TANC2: variants seen among roughly 807,000 people sequenced by gnomAD.
TANC2 encodes protein TANC2.
In TANC2, 26 loss-of-function variants were observed where a neutral mutation model predicts 210.5. The ratio of observed to expected loss-of-function variants is 0.12; its 90% CI spans 0.09 to 0.17. The LOEUF (loss-of-function observed/expected upper bound fraction) is 0.17, where lower values mean the gene tolerates loss of function less well. Ranked by LOEUF, TANC2 falls within the 10% of genes least tolerant of loss-of-function variation. The pLI is 1.00. For synonymous variants in TANC2, 931 were observed against 967.1 expected (o/e 0.96, Z 0.69); for missense variants, 2,129 against 2,608.9 (o/e 0.82, Z 4.01).
intron 12 of TANC2, among the ~76,000 whole-genome samples, chr17:63,344,085 G>A (rs1271341050): frequency 6.6e-6 from 1 of 152,210 alleles, no homozygotes; most frequent in African/African-American, 2.4e-5. Flanking sequence ...AGCAGGAGGT[G>A]AGCGACGGCT....
At chr17:63,031,392 A>C (rs2144134529) in intron 2 of TANC2, among the ~76,000 whole-genome samples, 1 of 152,300 alleles carries the variant, frequency 6.6e-6, no homozygotes, top group Non-Finnish European at 1.5e-5. Flanking sequence ...TATTGAAGAA[A>C]AAATGATTTT....
intron 2 of TANC2, among the ~76,000 whole-genome samples, chr17:63,064,832 A>C (rs1295853870): frequency 6.6e-6 from 1 of 152,148 alleles, no homozygotes; most frequent in Non-Finnish European, 1.5e-5. Context: ...GAAAGGATTA[A>C]ATCAAGCTAG....
rs536336187 is a variant in TANC2 at position 63,292,303 on chromosome 17, T to C, written c.1160-22085T>C. Among the ~76,000 whole-genome samples, 25 of 152,214 alleles carry C rather than the reference T, an allele frequency of 1.6e-4. No individual in the cohort carries two copies. The South Asian group carries it at 4.2e-3, about 25-fold the overall frequency. On this transcript the variant is annotated intron_variant, in intron 9 of 27. Transcript: ENST00000689528. ...CAGAAAGCAGGAGTCATTAAAGATA[T>C]ATCAGGAGGAGAAGACAAGAAAAGA...
intron 9 of TANC2, among the ~76,000 whole-genome samples, chr17:63,273,185 C>G (rs1285274352): frequency 6.6e-6 from 1 of 152,006 alleles, no homozygotes; most frequent in Non-Finnish European, 1.5e-5. Context: ...ACTCAGGAGG[C>G]AGAGGTGGGA....
At chr17:63,294,188 A>G (rs1289388086) in intron 9 of TANC2, among the ~76,000 whole-genome samples, 5 of 152,204 alleles carry the variant, frequency 3.3e-5, no homozygotes, top group Admixed American at 2.6e-4. Flanking sequence ...TCCTTAAAGA[A>G]ACTACTAGGC....
Position 63,395,701 on chromosome 17 carries a change from A to G in TANC2, c.3052-42A>G, listed in dbSNP as rs768241971. Reference sequence around the variant, plus strand: ...ATGTGACTAGATTGCGAGCTCAGCCACAAGTCTGTGTTCACACATATCTCC... The same window carrying G: ...ATGTGACTAGATTGCGAGCTCAGCCGCAAGTCTGTGTTCACACATATCTCC... On this transcript the variant is annotated intron_variant, in intron 17 of 27. Coordinates refer to ENST00000689528, the Ensembl canonical transcript of TANC2. 3.8e-6 allele frequency: 6 copies of G among 1,588,524 alleles called. No individual in the cohort carries two copies. In the African/African-American group the frequency reaches 5.4e-5, roughly 14 times the overall value.
At chr17:63,305,563 G>A (rs1473282635) in intron 9 of TANC2, 3 of 152,148 alleles carry the variant, frequency 2.0e-5, no homozygotes, top group Non-Finnish European at 4.4e-5. Flanking sequence ...TTCACATGTA[G>A]TCTGTATTTA....
rs984371324 is a variant in TANC2, at chr17:63,067,977, A to G, written c.68-5966A>G. Among the ~76,000 whole-genome samples, 4 of 152,222 alleles carry G rather than the reference A, an allele frequency of 2.6e-5. No individual in the cohort carries two copies. The South Asian group carries it at 8.3e-4, about 32-fold the overall frequency. Reference sequence around the variant, plus strand: ...ATTCAGGAAGCTGACTGAATCCTTAATAGGATAAATGCAAAGAAATTCATA... The same window carrying G: ...ATTCAGGAAGCTGACTGAATCCTTAGTAGGATAAATGCAAAGAAATTCATA... On this transcript the variant is annotated intron_variant, in intron 2 of 27. Coordinates refer to ENST00000689528, the Ensembl canonical transcript of TANC2.
intron 1 of TANC2, among the ~76,000 whole-genome samples, chr17:63,007,094 G>A (rs1464146146): frequency 1.3e-5 from 2 of 151,822 alleles, no homozygotes; most frequent in East Asian, 3.9e-4. Context: ...TGGTGTGTGG[G>A]AGCTCACACC....
intron 1 of TANC2, among the ~76,000 whole-genome samples, chr17:62,996,464 C>T (rs552279220): frequency 1.1e-4 from 16 of 152,076 alleles, no homozygotes; most frequent in African/African-American, 2.2e-4. Context: ...ACCTCACAGT[C>T]GATTTCTGTC....
intron 9 of TANC2, among the ~76,000 whole-genome samples, chr17:63,290,942 A>G (rs536157992): frequency 1.3e-5 from 2 of 152,306 alleles, no homozygotes; most frequent in South Asian, 2.1e-4. Context: ...TAACATTAGC[A>G]AGACTTTAGT....
intron 24 of TANC2, 165 bp from the exon 25 acceptor site, chr17:63,413,378 C>T: frequency 1.9e-6 from 1 of 532,392 alleles, no homozygotes; most frequent in African/African-American, 1.9e-5. Context: ...AGCTTCTTGG[C>T]AGTGGGAGTT....
chr17:63,110,709 T>C (rs1333516421), intron 4 of TANC2, among the ~76,000 whole-genome samples: 2 of 152,222 alleles, frequency 1.3e-5, no homozygotes, highest in East Asian at 1.9e-4. Context: ...TTTATATGGC[T>C]TAACTACCGC....
intron 14 of TANC2, among the ~76,000 whole-genome samples, chr17:63,362,210 G>A (rs1393550364): frequency 1.3e-5 from 2 of 152,246 alleles, no homozygotes; most frequent in East Asian, 3.8e-4. Flanking sequence ...GACATGGAGT[G>A]GGTAGCTCCT....
At chr17:63,024,190 C>A (rs2034459656) in intron 2 of TANC2, among the ~76,000 whole-genome samples, 1 of 152,036 alleles carries the variant, frequency 6.6e-6, no homozygotes, top group African/African-American at 2.4e-5. Flanking sequence ...TAATTCGGGG[C>A]TAGTCCATAG....
chr17:63,270,454 T>C (rs2043665249), intron 9 of TANC2, among the ~76,000 whole-genome samples: 1 of 152,200 alleles, frequency 6.6e-6, no homozygotes, highest in South Asian at 2.1e-4. Flanking sequence ...CACATCATGC[T>C]TTCTAATTTT....
chr17:63,139,108 TTA>T (rs1491151684), intron 4 of TANC2, among the ~76,000 whole-genome samples: 3 of 152,254 alleles, frequency 2.0e-5, no homozygotes, highest in Non-Finnish European at 2.9e-5. Flanking sequence ...GCTCAAATAA[TTA>T]TGTCTGTTCA....
chr17:63,354,530 G>A (rs1039604236), intron 13 of TANC2, among the ~76,000 whole-genome samples: 2 of 152,100 alleles, frequency 1.3e-5, no homozygotes, highest in Non-Finnish European at 2.9e-5. Context: ...TTAGAATGAC[G>A]ATCATGAAAT....
chr17:63,344,998 T>G (rs2046353626), intron 12 of TANC2, among the ~76,000 whole-genome samples: 1 of 152,214 alleles, frequency 6.6e-6, no homozygotes, highest in African/African-American at 2.4e-5. Flanking sequence ...AGAGTCTAGT[T>G]GACTGTCCCA....
Sources: allele counts gnomAD v4.1 joint callset (sites outside exome capture counted in the v4.1 genomes callset), GRCh38; gene constraint gnomAD v4.1.1; transcripts MANE v1.5; gene names NCBI Gene and HGNC (gene_info 2026-07-23, HGNC 2026-07-21).